The following MAN1A1 variants were observed in gnomAD, a reference collection of about 807,000 sequenced individuals.
MAN1A1 encodes mannosidase alpha class 1A member 1.
A neutral mutation model predicts 70.8 loss-of-function variants in MAN1A1; 29 were observed. The ratio of observed to expected loss-of-function variants is 0.41; its 90% CI spans 0.31 to 0.56. The LOEUF is 0.56. MAN1A1 is among the 20% of genes least tolerant of loss of function. The probability of loss-of-function intolerance (pLI) is 0.29; values close to 1 mark genes in which losing one functional copy is unlikely to be tolerated. For missense variants in MAN1A1, 747 were observed against 841.3 expected, an observed-to-expected ratio of 0.89 and a Z score of 1.39; for synonymous variants, 349 against 330.1, an observed-to-expected ratio of 1.06 and a Z score of -0.62.
chr6:119,349,281 G>A lies in MAN1A1; in HGVS notation c.-216C>T, dbSNP rs1773837226. Reference sequence around the variant, plus strand: ...AGGCACGCGCGACAGACCGCTGGCTGCAGCCCCTGCGGGGAGAGAAACAGT... The same window carrying A: ...AGGCACGCGCGACAGACCGCTGGCTACAGCCCCTGCGGGGAGAGAAACAGT... On this transcript the variant is annotated 5_prime_UTR_variant, in exon 2 of 13. Transcript: ENST00000368468. 8.3e-7 allele frequency: 1 copy of A among 1,211,012 alleles called. No homozygotes were observed. The highest frequency in any genetic ancestry group is 1.6e-5 in the African/African-American group (1 of 63,568). The allele number at this position is 1,211,012 out of a possible 1,614,324, so 75.0% of individuals were successfully genotyped here.
chr6:119,222,817 A>T (rs1774401297), intron 6 of MAN1A1, among the ~76,000 whole-genome samples: 1 of 152,152 alleles, frequency 6.6e-6, no homozygotes, highest in Admixed American at 6.5e-5. Flanking sequence ...GAGGAGAAAA[A>T]TCCAGCTTCT....
chr6:119,237,770 T>C (rs1774894303), intron 6 of MAN1A1, among the ~76,000 whole-genome samples: 1 of 152,228 alleles, frequency 6.6e-6, no homozygotes, highest in Non-Finnish European at 1.5e-5. Context: ...TGATACTACT[T>C]ATTAGTCCTA....
intron 5 of MAN1A1, among the ~76,000 whole-genome samples, chr6:119,286,375 A>G (rs533444010): frequency 6.0e-4 from 92 of 152,290 alleles, no homozygotes; most frequent in African/African-American, 2.1e-3. Context: ...CAGTTAACTG[A>G]CATTCTTAAT....
At chr6:119,180,013 G>A in intron 12 of MAN1A1, 68 bp from the exon 13 acceptor site, 2 of 1,493,838 alleles carry the variant, frequency 1.3e-6, no homozygotes, top group Middle Eastern at 1.8e-4. Flanking sequence ...CAAACACACA[G>A]CAAAAACCAC....
At chr6:119,198,141 C>T (rs1234022189) in intron 8 of MAN1A1, among the ~76,000 whole-genome samples, 2 of 152,206 alleles carry the variant, frequency 1.3e-5, no homozygotes, top group East Asian at 3.8e-4. Context: ...GTAATTCCAG[C>T]ACTTTGGGAG....
intron 2 of MAN1A1, among the ~76,000 whole-genome samples, chr6:119,328,713 T>C (rs1251760835): frequency 1.3e-5 from 2 of 152,340 alleles, no homozygotes; most frequent in Non-Finnish European, 2.9e-5. Flanking sequence ...TGCAGGTGTG[T>C]GTTTTAACTG....
chr6:119,304,204 T>C (rs570120773), intron 3 of MAN1A1, among the ~76,000 whole-genome samples: 1 of 152,308 alleles, frequency 6.6e-6, no homozygotes, highest in East Asian at 1.9e-4. Context: ...ATAAAAGTTG[T>C]AAATCTTATC....
chr6:119,197,630 G>A (rs1773606368), intron 8 of MAN1A1, among the ~76,000 whole-genome samples: 1 of 152,110 alleles, frequency 6.6e-6, no homozygotes, highest in African/African-American at 2.4e-5. Flanking sequence ...AATTGAGCTG[G>A]GTCTTGAGAG....
chr6:119,235,041 C>T (rs1774802456), intron 6 of MAN1A1, among the ~76,000 whole-genome samples: 1 of 152,160 alleles, frequency 6.6e-6, no homozygotes, highest in Admixed American at 6.5e-5. Flanking sequence ...ATGAACTTAA[C>T]TTGTAAGCAT....
At chr6:119,266,934 T>C (rs550124977) in intron 5 of MAN1A1, among the ~76,000 whole-genome samples, 115 of 152,334 alleles carry the variant, frequency 7.5e-4, no homozygotes, top group Non-Finnish European at 1.2e-3. Flanking sequence ...AAGATCTTAA[T>C]AGACACCTCA....
In MAN1A1 at chr6:119,263,168, G is replaced by GT. The variant is rs1775656957; in HGVS notation, c.898-14815dup. Among the ~76,000 whole-genome samples, 3 of 151,958 alleles carry GT rather than the reference G, an allele frequency of 2.0e-5. No individual in the cohort carries two copies. The South Asian group carries it at 6.2e-4, about 32-fold the overall frequency. On this transcript the variant is annotated intron_variant, in intron 5 of 12. Transcript: ENST00000368468. Reference sequence around the variant, plus strand: ...GCCTATTGTGGGACCTTGTGATCGTGTAAGTTTTATATGTAAAAGGGGAGT... The same window carrying GT: ...GCCTATTGTGGGACCTTGTGATCGTGTTAAGTTTTATATGTAAAAGGGGAGT...
chr6:119,197,876 C>A (rs555253129), intron 8 of MAN1A1, among the ~76,000 whole-genome samples: 2 of 151,996 alleles, frequency 1.3e-5, no homozygotes, highest in East Asian at 3.9e-4. Context: ...GGAAACATGG[C>A]CAAATACATA....
chr6:119,248,750 G>A (rs970009179), intron 5 of MAN1A1, among the ~76,000 whole-genome samples: 5 of 152,126 alleles, frequency 3.3e-5, no homozygotes, highest in African/African-American at 4.8e-5. Context: ...GATAAGACCC[G>A]GACTGAGAAC....
chr6:119,185,732 A>G (rs1418177159), intron 11 of MAN1A1, among the ~76,000 whole-genome samples: 3 of 151,030 alleles, frequency 2.0e-5, no homozygotes, highest in Non-Finnish European at 4.4e-5. Flanking sequence ...GCCCGCCACC[A>G]CGCCTGGTTA....
At chr6:119,227,562 T>C (rs1774553007) in intron 6 of MAN1A1, among the ~76,000 whole-genome samples, 2 of 152,182 alleles carry the variant, frequency 1.3e-5, no homozygotes, top group African/African-American at 4.8e-5. Flanking sequence ...ATTGCAGCCT[T>C]GACCTCAAAC....
intron 6 of MAN1A1, among the ~76,000 whole-genome samples, chr6:119,219,269 A>C (rs557084509): frequency 6.6e-6 from 1 of 151,160 alleles, no homozygotes; most frequent in East Asian, 1.9e-4. Context: ...TAAACAACAG[A>C]GAACATTTTA....
intron 5 of MAN1A1, among the ~76,000 whole-genome samples, chr6:119,287,020 C>T (rs151218496): frequency 3.9e-5 from 6 of 152,162 alleles, no homozygotes; most frequent in South Asian, 4.1e-4. Flanking sequence ...TCAGTCTTCA[C>T]GGGATATGAA....
intron 2 of MAN1A1, among the ~76,000 whole-genome samples, chr6:119,325,981 T>A (rs573478378): frequency 6.6e-6 from 1 of 152,270 alleles, no homozygotes; most frequent in Admixed American, 6.5e-5. Flanking sequence ...TGGGTAACAG[T>A]TTATGTTTGT....
chr6:119,344,338 T>G (rs1186144095), intron 2 of MAN1A1, among the ~76,000 whole-genome samples: 1 of 152,204 alleles, frequency 6.6e-6, no homozygotes, highest in Non-Finnish European at 1.5e-5. Context: ...TACCCATTAC[T>G]GTATATATGT....
Sources: gnomAD v4.1 joint callset for allele counts (sites outside exome capture counted in the v4.1 genomes callset) on GRCh38, gnomAD v4.1.1 for gene constraint, MANE v1.5 for transcripts, NCBI Gene and HGNC (gene_info 2026-07-23, HGNC 2026-07-21) for gene names.